ZFP64: variants seen among roughly 807,000 people sequenced by gnomAD.
ZFP64 encodes the protein zinc finger protein 64.
A neutral mutation model predicts 51.6 loss-of-function variants in ZFP64; 14 were observed. The observed-to-expected ratio is 0.27, with a 90% CI of 0.18 to 0.42. The LOEUF (loss-of-function observed/expected upper bound fraction) is 0.42. ZFP64 is among the 10% of genes least tolerant of loss of function. The pLI is 1.00. For missense variants in ZFP64, 754 were observed against 906.8 expected, an observed-to-expected ratio of 0.83 and a Z score of 2.16; for synonymous variants, 375 against 361.4, an observed-to-expected ratio of 1.04 and a Z score of -0.43.
At chr20:52,174,092 C>A (rs890886508) in intron 2 of ZFP64, among the ~76,000 whole-genome samples, 5 of 152,102 alleles carry the variant, frequency 3.3e-5, no homozygotes, top group Non-Finnish European at 5.9e-5. Flanking sequence ...CATTACTGTT[C>A]CCCCTGCACC....
Position 52,151,982 on chromosome 20 carries a change from A to T in ZFP64, c.*164T>A, listed in dbSNP as rs1980837802. 1.4e-6 allele frequency: 2 copies of T among 1,385,282 alleles called. No individual in the cohort carries two copies. The highest frequency in any genetic ancestry group is 9.5e-7 in the Non-Finnish European group (1 of 1,056,872). The allele number at this position is 1,385,282 out of a possible 1,614,324, so 85.8% of individuals were successfully genotyped here. A position where few individuals can be genotyped will look rare whatever the true frequency, so the allele number is the denominator to read the frequency against. On this transcript the variant is annotated 3_prime_UTR_variant, in exon 6 of 6. Coordinates refer to ENST00000216923, the MANE Select transcript of ZFP64 (RefSeq NM_018197.3). ...AACCTGGGAGGCGGACGTTGCAGTGAGCCAAGATAGCGCCACTGCACTCCA... is the reference window on the plus strand; with the variant it reads ...AACCTGGGAGGCGGACGTTGCAGTGTGCCAAGATAGCGCCACTGCACTCCA...
chr20:52,166,870 A>C (rs1314422183), intron 2 of ZFP64, among the ~76,000 whole-genome samples: 2 of 152,192 alleles, frequency 1.3e-5, no homozygotes, highest in Non-Finnish European at 1.5e-5. Context: ...AATCCTAATG[A>C]AACACCAAAA....
chr20:52,108,861 AAC>A (rs57127987), intron 5 of ZFP64, among the ~76,000 whole-genome samples: 14,024 of 139,568 alleles, frequency 0.1, 742 homozygotes, highest in African/African-American at 0.17. Flanking sequence ...GAAAATCTGA[AAC>A]ACACACACAC....
chr20:52,084,989 G>A lies in ZFP64; in HGVS notation c.1506C>T (p.Tyr502=), dbSNP rs1215005304. ...GCAGGGCGGCCGCGCTGGAGCAGGA[G>A]TAGCTGCACTCTGGACACTTCTCCG... The change falls in exon 9 of 9, where the codon TAC becomes TAT. Residue 502 remains tyrosine (Y), a synonymous_variant. Coordinates refer to the ZFP64 transcript ENST00000361387. 11 of 1,613,984 alleles carry A rather than the reference G, an allele frequency of 6.8e-6. No individual in the cohort carries two copies. In the Middle Eastern group the frequency reaches 4.9e-4, roughly 72 times the overall value.
intron 5 of ZFP64, among the ~76,000 whole-genome samples, chr20:52,111,203 T>A (rs1978555688): frequency 1.1e-5 from 1 of 88,606 alleles, no homozygotes; most frequent in African/African-American, 3.7e-5. Flanking sequence ...GTCAATTTTT[T>A]TTTTTTTTTT....
At chr20:52,096,955 TA>T in intron 7 of ZFP64, 1 of 466,678 alleles carries the variant, frequency 2.1e-6, no homozygotes, top group Non-Finnish European at 4.3e-6. Context: ...CTGTAACAAC[TA>T]CCTCTTGTAA....
intron 2 of ZFP64, among the ~76,000 whole-genome samples, chr20:52,167,546 C>A (rs1432070635): frequency 1.5e-5 from 2 of 133,124 alleles, no homozygotes; most frequent in African/African-American, 5.5e-5. Context: ...CTCCCTCCTT[C>A]TCCTCTTCCC....
Position 52,160,517 on chromosome 20 carries a change from G to T in ZFP64, c.512-143C>A, listed in dbSNP as rs528261602. 3 of 1,138,918 alleles carry T rather than the reference G, an allele frequency of 2.6e-6. No homozygotes were observed. Among genetic ancestry groups the T allele is most frequent in the Non-Finnish European group, 2.4e-6 (2 of 834,540 alleles). The allele number at this position is 1,138,918 out of a possible 1,614,324, so 70.6% of individuals were successfully genotyped here. The stretch of plus-strand genomic sequence containing the variant: ...CCCTAAAACACTGGGTGGATGATTG[G>T]CAAAGAGCTAACATCTTGGGAGAGG... On this transcript the variant is annotated intron_variant, in intron 4 of 5. Coordinates refer to ENST00000216923, the MANE Select transcript of ZFP64 (RefSeq NM_018197.3). The surrounding 1 kb of genome is among the most constrained non-coding windows in gnomAD (Gnocchi z 4.2).
chr20:52,164,628 T>A, intron 4 of ZFP64, 67 bp downstream of exon 4: 1 of 1,347,576 alleles, frequency 7.4e-7, no homozygotes, highest in African/African-American at 1.4e-5. Flanking sequence ...GTCTGACCTA[T>A]GTGGATCCCC....
chr20:52,110,499 G>A (rs989711077), intron 5 of ZFP64: 2 of 709,016 alleles, frequency 2.8e-6, no homozygotes, highest in Non-Finnish European at 5.1e-6. Context: ...CCTAGTCTAA[G>A]ATCTTCCCTG....
intron 5 of ZFP64, among the ~76,000 whole-genome samples, chr20:52,100,126 A>T (rs1253168131): frequency 6.6e-6 from 1 of 151,930 alleles, no homozygotes; most frequent in Non-Finnish European, 1.5e-5. Context: ...CCCAACGGGG[A>T]CTACAGGCAC....
chr20:52,157,431 C>T (rs779712937), intron 5 of ZFP64, among the ~76,000 whole-genome samples: 7 of 152,152 alleles, frequency 4.6e-5, no homozygotes, highest in Admixed American at 1.3e-4. Flanking sequence ...TTTTGGTAGA[C>T]AGGAAGCAAG....
rs557914494 is a variant in ZFP64 at position 52,122,627 on chromosome 20, G to A, written c.764-24040C>T. On this transcript the variant is annotated intron_variant, in intron 5 of 8. Transcript: ENST00000361387. ...CTGGAGAGGATTCACCATTCCAGAT[G>A]CCATAAAGAACATTCATGATTCATG... Among the ~76,000 whole-genome samples, 4 of 152,260 alleles carry A rather than the reference G, an allele frequency of 2.6e-5. No individual in the cohort carries two copies. The East Asian group carries it at 7.7e-4, about 29-fold the overall frequency.
At chr20:52,086,401 T>G (rs1230619969) in intron 8 of ZFP64, among the ~76,000 whole-genome samples, 2 of 152,194 alleles carry the variant, frequency 1.3e-5, no homozygotes, top group South Asian at 2.1e-4. Flanking sequence ...GCTTCTTGAT[T>G]AGACTGTGTT....
chr20:52,158,188 T>C (rs1600770854), intron 5 of ZFP64, among the ~76,000 whole-genome samples: 1 of 152,330 alleles, frequency 6.6e-6, no homozygotes, highest in Middle Eastern at 3.4e-3. Context: ...TTATTTTGGC[T>C]TTTTGTTTTA....
rs78818552 is a variant in ZFP64, at chr20:52,141,813, C to T, written c.763+18310G>A. Among the ~76,000 whole-genome samples, 531 of 152,288 alleles carry T rather than the reference C, an allele frequency of 3.5e-3. 2 individuals carry two copies. Among genetic ancestry groups the T allele is most frequent in the Non-Finnish European group, 6.3e-3 (428 of 68,032 alleles). ...GATTGAATCCAATTTTGAAAGCAGT[C>T]TTACTGTGAGTAGAATGATGTCCAA... is the stretch of plus-strand genomic sequence containing the variant. On this transcript the variant is annotated intron_variant, in intron 5 of 8. Transcript: ENST00000361387.
chr20:52,158,246 A>T (rs1441652880), intron 5 of ZFP64, among the ~76,000 whole-genome samples: 1 of 152,104 alleles, frequency 6.6e-6, no homozygotes, highest in African/African-American at 2.4e-5. Context: ...TTTTATTTCA[A>T]CCGTCTCTAG....
intron 5 of ZFP64, among the ~76,000 whole-genome samples, chr20:52,113,066 GGC>G (rs913456298): frequency 1.2e-4 from 18 of 152,098 alleles, no homozygotes; most frequent in African/African-American, 4.3e-4. Flanking sequence ...AGGGCGCTGT[GGC>G]TCACGCCTGT....
At chr20:52,091,527 T>A (rs905298021) in intron 7 of ZFP64, among the ~76,000 whole-genome samples, 7 of 152,254 alleles carry the variant, frequency 4.6e-5, no homozygotes, top group Admixed American at 2.0e-4. Context: ...TTCATATGGA[T>A]GAGAGAGTTC....
Sources: allele counts gnomAD v4.1 joint callset (sites outside exome capture counted in the v4.1 genomes callset), GRCh38; gene constraint gnomAD v4.1.1; non-coding constraint Gnocchi (gnomAD v3.1); transcripts MANE v1.5; gene names NCBI Gene and HGNC (gene_info 2026-07-23, HGNC 2026-07-21).